CCDC33: variants seen among roughly 807,000 people sequenced by gnomAD.
The protein encoded by CCDC33 is coiled-coil domain containing 33.
In CCDC33, 94 loss-of-function variants were observed where a neutral mutation model predicts 91.9. The ratio of observed to expected loss-of-function variants is 1.02; its 90% confidence interval spans 0.87 to 1.21. The LOEUF (loss-of-function observed/expected upper bound fraction) is 1.21, where lower values mean the gene tolerates loss of function less well. Among genes scored for constraint, CCDC33 ranks in the 50% most tolerant of loss-of-function variants. The probability of loss-of-function intolerance (pLI) is 0.00; values close to 1 mark genes in which losing one functional copy is unlikely to be tolerated. For synonymous variants in CCDC33, 396 were observed against 374.5 expected (o/e 1.06, Z -0.66); for missense variants, 940 against 935.5 (o/e 1.00, Z -0.06).
At chr15:74,335,877 C>T (rs1232919497) in intron 18 of CCDC33, 48 bp from the exon 19 acceptor site, 6 of 1,441,732 alleles carry the variant, frequency 4.2e-6, no homozygotes, top group Non-Finnish European at 5.8e-6. Flanking sequence ...GAGCAGGTCA[C>T]CCCCTGGGAA....
In CCDC33 at chr15:74,266,793, T is replaced by C; in HGVS notation, c.429+6T>C. On this transcript the variant is annotated splice_donor_region_variant and intron_variant, in intron 4 of 18. Coordinates refer to ENST00000398814, the MANE Select transcript of CCDC33 (RefSeq NM_025055.5). Reference sequence around the variant, plus strand: ...ACCACTTTGAGCTGGTGAAGGTGAGTCAGAGGCCTGGGGAAGTGCCGGGAG... The same window carrying C: ...ACCACTTTGAGCTGGTGAAGGTGAGCCAGAGGCCTGGGGAAGTGCCGGGAG... The C allele has an allele frequency of 6.2e-7, 1 of 1,605,692 alleles. No individual in the cohort carries two copies. Among genetic ancestry groups the C allele is most frequent in the Non-Finnish European group, 8.5e-7 (1 of 1,172,462 alleles).
intron 11 of CCDC33, among the ~76,000 whole-genome samples, chr15:74,318,324 C>T (rs1002622339): frequency 6.6e-6 from 1 of 152,110 alleles, no homozygotes; most frequent in Admixed American, 6.5e-5. Context: ...TGAGCCTGGG[C>T]CAGGGGAGTC....
chr15:74,279,910 T>C (rs577579152), intron 7 of CCDC33, 53 bp from the exon 8 acceptor site: 3 of 1,582,958 alleles, frequency 1.9e-6, no homozygotes, highest in South Asian at 1.2e-5. Flanking sequence ...GTGTATGCCT[T>C]GATTTGGGAG....
intron 2 of CCDC33, among the ~76,000 whole-genome samples, chr15:74,247,450 A>G (rs1205478277): frequency 2.0e-5 from 3 of 152,176 alleles, no homozygotes; most frequent in Non-Finnish European, 4.4e-5. Context: ...ACACAATTAT[A>G]TATTGTATAC....
chr15:74,277,014 G>A lies in CCDC33; in HGVS notation c.760-2949G>A, dbSNP rs141183971. On this transcript the variant is annotated intron_variant, in intron 7 of 18. Transcript: ENST00000398814. Reference sequence around the variant, plus strand: ...CTGGATGATGGTGGGCTACAGGGTCGGGGGCAGAGTCTGGCTCTACAGCAC... The same window carrying A: ...CTGGATGATGGTGGGCTACAGGGTCAGGGGCAGAGTCTGGCTCTACAGCAC... Among the ~76,000 whole-genome samples, 159 of 152,282 alleles carry A rather than the reference G, an allele frequency of 1.0e-3. 1 individual carries two copies. The highest frequency in any genetic ancestry group is 6.8e-3 in the Middle Eastern group (2 of 294).
chr15:74,206,256 G>A (rs1256029306), intron 1 of CCDC33, among the ~76,000 whole-genome samples: 1 of 152,222 alleles, frequency 6.6e-6, no homozygotes, highest in African/African-American at 2.4e-5. Flanking sequence ...GGTGCGGGCA[G>A]GGTGGGCAGG....
At chr15:74,325,404 T>C (rs2060289978) in intron 11 of CCDC33, among the ~76,000 whole-genome samples, 1 of 152,016 alleles carries the variant, frequency 6.6e-6, no homozygotes, top group Non-Finnish European at 1.5e-5. Context: ...TAACACCTGC[T>C]CACCCTCCTA....
chr15:74,290,256 C>T (rs1190594457), intron 10 of CCDC33, among the ~76,000 whole-genome samples: 7 of 151,046 alleles, frequency 4.6e-5, no homozygotes, highest in African/African-American at 1.7e-4. Flanking sequence ...CGGCTCACTT[C>T]AACCTCCGCC....
At chr15:74,281,750 G>C (rs1225421415) in intron 9 of CCDC33, 28 bp from the exon 10 acceptor site, 11 of 1,602,862 alleles carry the variant, frequency 6.9e-6, no homozygotes, top group Non-Finnish European at 9.4e-6. Context: ...TGGCCAGCAT[G>C]GTCTGAGTGC....
At position 74,266,730 on chromosome 15, in the gene CCDC33, C is replaced by A. The variant is rs766859608; in HGVS notation, c.372C>A (p.Tyr124Ter). The change falls in exon 4 of 19, where the codon TAC becomes TAA. Residue 124 changes from tyrosine (Y) to a stop codon, truncating the protein, a stop_gained. Transcript: ENST00000398814. LOFTEE classifies it high-confidence loss of function. ...GAAAGAAACAGGAGTTGTTGTCCTA[C>A]AAAATCCCCATCAAGTACCTGCGTG... ...DNRKKQELLS[Y>*]KIPIKYLRVF... 1.9e-6 allele frequency: 3 copies of A among 1,614,106 alleles called. No individual in the cohort carries two copies. Among genetic ancestry groups the A allele is most frequent in the Non-Finnish European group, 2.5e-6 (3 of 1,180,038 alleles).
At position 74,219,999 on chromosome 15, in the gene CCDC33, A is replaced by G. The variant is rs144807473; in HGVS notation, c.675+1138A>G. Among the ~76,000 whole-genome samples, 43 of 152,212 alleles carry G rather than the reference A, an allele frequency of 2.8e-4. No homozygotes were observed. In the East Asian group the frequency reaches 7.9e-3, roughly 28 times the overall value. On this transcript the variant is annotated intron_variant, in intron 2 of 2. Transcript: ENST00000635913. ...TGCTGAAGTGGAGCCCAGGTGGTGG[A>G]CTGTCAGGCTGGGAGAGGGCCTGGG...
At chr15:74,215,284 A>G (rs1277019142), upstream of CCDC33, among the ~76,000 whole-genome samples, 1 of 152,194 alleles carries the variant, frequency 6.6e-6, no homozygotes, top group African/African-American at 2.4e-5. Context: ...ATTTGTGAAA[A>G]GACAAATACT....
chr15:74,224,915 A>G (rs1235081352), intron 2 of CCDC33, among the ~76,000 whole-genome samples: 1 of 151,978 alleles, frequency 6.6e-6, no homozygotes, highest in Non-Finnish European at 1.5e-5. Context: ...GGGTGTTAGG[A>G]GCTTGTGAGT....
chr15:74,204,236 G>A (rs374080214), intron 1 of CCDC33, among the ~76,000 whole-genome samples: 37 of 152,228 alleles, frequency 2.4e-4, no homozygotes, highest in African/African-American at 8.4e-4. Context: ...CCTTCCAGGC[G>A]CGAGTGTGAG....
intron 11 of CCDC33, among the ~76,000 whole-genome samples, chr15:74,298,870 G>A (rs1329694288): frequency 6.6e-6 from 1 of 151,880 alleles, no homozygotes; most frequent in Non-Finnish European, 1.5e-5. Flanking sequence ...GCGCCACCAC[G>A]CCCGGCTAAT....
chr15:74,212,534 C>T (rs2074377810), upstream of CCDC33: 3 of 152,310 alleles, frequency 2.0e-5, no homozygotes. Context: ...GGAGTGCCAT[C>T]CAATGGCACT....
At chr15:74,236,216 G>T (rs1208202983), upstream of CCDC33, 2 of 153,142 alleles carry the variant, frequency 1.3e-5, no homozygotes, top group Non-Finnish European at 1.5e-5. Context: ...ATAGGGAAAA[G>T]GGCTTCGCGT....
In CCDC33 at chr15:74,330,679, A is replaced by G. The variant is rs757790580; in HGVS notation, c.1473A>G (p.Lys491=). 26 of 1,613,372 alleles carry G rather than the reference A, an allele frequency of 1.6e-5. No individual in the cohort carries two copies. Among genetic ancestry groups the G allele is most frequent in the Non-Finnish European group, 2.2e-5 (26 of 1,179,908 alleles). The stretch of plus-strand genomic sequence containing the variant: ...ACCTAACAGTGTCCATGAAGCAGAA[A>G]CTGCTGCTGAGTGAGCTGGATATGA... ...EAQNTVSMKQ[K]LLLSELDMKK... is the part of the protein sequence containing the mutation. The change falls in exon 13 of 19, where the codon AAA becomes AAG. Residue 491 remains lysine, a synonymous_variant. Transcript: ENST00000398814.
At chr15:74,326,265 C>T (rs535862312) in intron 11 of CCDC33, among the ~76,000 whole-genome samples, 1 of 152,314 alleles carries the variant, frequency 6.6e-6, no homozygotes, top group South Asian at 2.1e-4. Context: ...TTCGAGGTTG[C>T]AGTGAGCTAT....
Sources: gnomAD v4.1 joint callset for allele counts (sites outside exome capture counted in the v4.1 genomes callset) on GRCh38, gnomAD v4.1.1 for gene constraint, MANE v1.5 for transcripts, NCBI Gene and HGNC (gene_info 2026-07-23, HGNC 2026-07-21) for gene names.